Variants in NOL4 observed in about 807,000 individuals in gnomAD.
The protein encoded by NOL4 is nucleolar protein 4.
NOL4 carries 17 observed loss-of-function variants against 75.9 expected under a neutral mutation model. That is an observed-to-expected ratio of 0.22 (90% CI 0.15 to 0.34). The LOEUF (loss-of-function observed/expected upper bound fraction) is 0.34. Among genes scored for constraint, NOL4 ranks in the 10% least tolerant of loss-of-function variants. NOL4 has a pLI of 1.00. For synonymous variants in NOL4, 292 were observed against 289.9 expected, an observed-to-expected ratio of 1.01 and a Z score of -0.07; for missense variants, 614 against 793.5, an observed-to-expected ratio of 0.77 and a Z score of 2.72.
intron 5 of NOL4, among the ~76,000 whole-genome samples, chr18:34,024,194 A>AAAAATATATATATATATATAT: frequency 1.3e-4 from 9 of 70,686 alleles, no homozygotes; most frequent in Admixed American, 2.7e-4. Context: ...AAAAAAAAAA[A>AAAAATATATATATATATATAT]ATATATATAT....
chr18:34,141,209 C>T (rs2081141556), intron 1 of NOL4, among the ~76,000 whole-genome samples: 1 of 152,188 alleles, frequency 6.6e-6, no homozygotes, highest in Non-Finnish European at 1.5e-5. Flanking sequence ...GAAGAACATT[C>T]CATGCTCATG....
At chr18:33,885,919 C>A (rs1464747756) in intron 9 of NOL4, among the ~76,000 whole-genome samples, 2 of 152,116 alleles carry the variant, frequency 1.3e-5, no homozygotes, top group East Asian at 3.9e-4. Flanking sequence ...TGGAAGCAAC[C>A]TCTGTCCATC....
intron 1 of NOL4, among the ~76,000 whole-genome samples, chr18:34,211,814 A>G (rs557082954): frequency 1.3e-5 from 2 of 152,302 alleles, no homozygotes; most frequent in African/African-American, 4.8e-5. Context: ...CAACGTAGAG[A>G]GGAGAGACTA....
At chr18:34,154,114 A>C (rs2029889890) in intron 1 of NOL4, among the ~76,000 whole-genome samples, 1 of 152,058 alleles carries the variant, frequency 6.6e-6, no homozygotes, top group Non-Finnish European at 1.5e-5. Flanking sequence ...TTACTAGTCA[A>C]ATCTGTTGAA....
chr18:33,904,404 G>A (rs2065911953), intron 9 of NOL4, among the ~76,000 whole-genome samples: 1 of 151,832 alleles, frequency 6.6e-6, no homozygotes, highest in Admixed American at 6.6e-5. Context: ...GGGAGCCCCA[G>A]AAAAAAACCT....
In NOL4 at chr18:34,212,500, T is replaced by C. The variant is rs370611879; in HGVS notation, c.264+10490A>G. ...ACTATGTATCAGTTCCATTTTATGG[T>C]GTAACAAATTACCACAAATTGAATG... On this transcript the variant is annotated intron_variant, in intron 1 of 10. Transcript: ENST00000261592. Among the ~76,000 whole-genome samples the C allele has an allele frequency of 9.2e-5, 14 of 152,358 alleles. 1 individual carries two copies. Among genetic ancestry groups the C allele is most frequent in the African/African-American group, 2.9e-4 (12 of 41,586 alleles).
chr18:34,068,460 C>T (rs994440232), intron 5 of NOL4, among the ~76,000 whole-genome samples: 1 of 151,878 alleles, frequency 6.6e-6, no homozygotes, highest in Non-Finnish European at 1.5e-5. Flanking sequence ...AGTGCAGTGG[C>T]GCGAGCTTGG....
intron 1 of NOL4, among the ~76,000 whole-genome samples, chr18:34,147,350 AG>A (rs1433991928): frequency 6.6e-6 from 1 of 151,892 alleles, no homozygotes; most frequent in Non-Finnish European, 1.5e-5. Flanking sequence ...TATTGGTTAC[AG>A]GTTTGTCATA....
At chr18:33,961,003 A>G (rs901320861) in intron 6 of NOL4, among the ~76,000 whole-genome samples, 2 of 152,212 alleles carry the variant, frequency 1.3e-5, no homozygotes, top group Admixed American at 1.3e-4. Context: ...CCTATTTAAT[A>G]ATGTTTTGTA....
intron 4 of NOL4, among the ~76,000 whole-genome samples, chr18:34,100,697 T>C (rs1406102660): frequency 6.6e-6 from 1 of 152,168 alleles, no homozygotes; most frequent in African/African-American, 2.4e-5. Flanking sequence ...ATCAAAGTTA[T>C]TGGGCTTTGT....
chr18:34,194,956 A>G (rs2035219248), intron 1 of NOL4, among the ~76,000 whole-genome samples: 1 of 151,768 alleles, frequency 6.6e-6, no homozygotes, highest in African/African-American at 2.4e-5. Context: ...CCTGAGAGGC[A>G]GAGGTTGGGG....
intron 10 of NOL4, among the ~76,000 whole-genome samples, chr18:33,873,835 A>T (rs2063807205): frequency 6.6e-6 from 1 of 151,998 alleles, no homozygotes; most frequent in Non-Finnish European, 1.5e-5. Flanking sequence ...GTAAAATAAT[A>T]AGAAATACGC....
At chr18:34,062,189 A>T (rs9965291) in intron 5 of NOL4, among the ~76,000 whole-genome samples, 19 of 152,006 alleles carry the variant, frequency 1.2e-4, no homozygotes, top group Middle Eastern at 3.4e-3. Flanking sequence ...ACATTCTGCA[A>T]GTGTACCACT....
chr18:33,998,749 CT>C (rs967044266), intron 6 of NOL4, among the ~76,000 whole-genome samples: 2 of 152,062 alleles, frequency 1.3e-5, no homozygotes, highest in African/African-American at 2.4e-5. Flanking sequence ...TGTTTGCTTG[CT>C]TGTCAATTAA....
intron 10 of NOL4, among the ~76,000 whole-genome samples, chr18:33,865,175 G>C (rs1168764547): frequency 6.6e-6 from 1 of 152,068 alleles, no homozygotes; most frequent in Non-Finnish European, 1.5e-5. Context: ...ATTAAAGCCA[G>C]TTACAGTGGT....
intron 1 of NOL4, chr18:34,221,171 G>A (rs1373504542): frequency 6.6e-6 from 1 of 151,996 alleles, no homozygotes; most frequent in African/African-American, 2.4e-5. Flanking sequence ...CAGTTAGAGG[G>A]ACCTAAGTTT....
chr18:33,885,163 A>G (rs1414813799), intron 9 of NOL4, among the ~76,000 whole-genome samples: 1 of 152,060 alleles, frequency 6.6e-6, no homozygotes, highest in Non-Finnish European at 1.5e-5. Flanking sequence ...ACTTTTTTTA[A>G]AAAAAATCAT....
At chr18:34,041,894 A>G (rs1385310192) in intron 5 of NOL4, among the ~76,000 whole-genome samples, 4 of 151,984 alleles carry the variant, frequency 2.6e-5, no homozygotes, top group African/African-American at 7.2e-5. Context: ...TATAATTGCT[A>G]TAGATAGATT....
At chr18:33,897,208 G>A (rs2065463153) in intron 9 of NOL4, among the ~76,000 whole-genome samples, 1 of 152,132 alleles carries the variant, frequency 6.6e-6, no homozygotes. Flanking sequence ...GCAGTATGGT[G>A]ATTCCTCAAA....
Sources: gnomAD v4.1 joint callset for allele counts (sites outside exome capture counted in the v4.1 genomes callset) on GRCh38, gnomAD v4.1.1 for gene constraint, MANE v1.5 for transcripts, NCBI Gene and HGNC (gene_info 2026-07-23, HGNC 2026-07-21) for gene names.